NRG1: variants seen among roughly 807,000 people sequenced by gnomAD.
NRG1 encodes pro-neuregulin-1, membrane-bound isoform.
Under a neutral mutation model 63.8 loss-of-function variants are expected in NRG1, and 18 were observed. The ratio of observed to expected loss-of-function variants is 0.28; its 90% CI spans 0.19 to 0.42. The LOEUF is 0.42. NRG1 is among the 10% of genes least tolerant of loss of function. The pLI is 1.00. For missense variants in NRG1, 762 were observed against 814.7 expected (o/e 0.94, Z 0.79); for synonymous variants, 302 against 301.3 (o/e 1.00, Z -0.02).
chr8:31,879,179 C>T (rs1349750436), intron 1 of NRG1, among the ~76,000 whole-genome samples: 1 of 152,152 alleles, frequency 6.6e-6, no homozygotes. Flanking sequence ...TCAACACAGC[C>T]AATTTCCTAT....
chr8:31,920,130 A>G (rs761821625), intron 1 of NRG1, among the ~76,000 whole-genome samples: 19 of 152,084 alleles, frequency 1.2e-4, no homozygotes, highest in Non-Finnish European at 2.1e-4. Context: ...TATTTAAGGA[A>G]CATTGTTGAG....
chr8:32,112,196 T>C (rs924470564), intron 1 of NRG1, among the ~76,000 whole-genome samples: 1 of 152,208 alleles, frequency 6.6e-6, no homozygotes, highest in African/African-American at 2.4e-5. Context: ...TTTACAATAG[T>C]TGCATTAGGG....
At chr8:32,014,544 G>A (rs1255415380) in intron 1 of NRG1, among the ~76,000 whole-genome samples, 2 of 152,010 alleles carry the variant, frequency 1.3e-5, no homozygotes, top group Non-Finnish European at 2.9e-5. Context: ...TAGGTAGGGT[G>A]AGATAACAGA....
intron 1 of NRG1, among the ~76,000 whole-genome samples, chr8:32,176,593 A>C (rs1437105366): frequency 1.3e-5 from 2 of 152,252 alleles, no homozygotes; most frequent in Non-Finnish European, 1.5e-5. Context: ...CAAAGGGCTA[A>C]TATCCAGAAT....
chr8:32,034,862 G>C (rs1818793586), intron 1 of NRG1, among the ~76,000 whole-genome samples: 1 of 146,606 alleles, frequency 6.8e-6, no homozygotes, highest in African/African-American at 2.5e-5. Flanking sequence ...TCTAGCTAGT[G>C]GTCTATTTTT....
At chr8:32,598,919 A>G (rs1843829484) in intron 2 of NRG1, among the ~76,000 whole-genome samples, 1 of 152,094 alleles carries the variant, frequency 6.6e-6, no homozygotes, top group Non-Finnish European at 1.5e-5. Context: ...GAAGGAATAT[A>G]ATTATTGTTA....
intron 1 of NRG1, among the ~76,000 whole-genome samples, chr8:31,890,868 G>A (rs112729538): frequency 7.2e-5 from 11 of 152,116 alleles, no homozygotes; most frequent in African/African-American, 2.4e-4. Flanking sequence ...AAATAGACAC[G>A]TTAATATGCT....
intron 1 of NRG1, among the ~76,000 whole-genome samples, chr8:31,896,991 C>A (rs1831628076): frequency 6.6e-6 from 1 of 152,162 alleles, no homozygotes; most frequent in Admixed American, 6.5e-5. Flanking sequence ...AAATAATGAA[C>A]CTGGAAACCT....
At chr8:32,767,029 C>T (rs1831482499) in exon 12 of NRG1, 5 of 152,302 alleles carry the variant, frequency 3.3e-5, no homozygotes, top group Admixed American at 3.3e-4. Context: ...CTTTGTTTCC[C>T]GGGTCTAAAA....
intron 1 of NRG1, among the ~76,000 whole-genome samples, chr8:32,516,291 C>T (rs1029767665): frequency 7.2e-5 from 11 of 151,762 alleles, no homozygotes; most frequent in African/African-American, 1.9e-4. Context: ...CATTACCATG[C>T]TGTTTTTGTA....
chr8:32,121,885 A>G (rs1833500369), intron 1 of NRG1, among the ~76,000 whole-genome samples: 1 of 152,062 alleles, frequency 6.6e-6, no homozygotes, highest in Non-Finnish European at 1.5e-5. Flanking sequence ...GAGAAAAGGG[A>G]ACTTAGCAAA....
intron 1 of NRG1, among the ~76,000 whole-genome samples, chr8:31,897,681 G>A (rs992469290): frequency 3.3e-5 from 5 of 151,944 alleles, no homozygotes; most frequent in African/African-American, 1.2e-4. Context: ...TTCATTCTAG[G>A]TCTTTAGACT....
At chr8:31,946,590 T>C (rs942759659) in intron 1 of NRG1, among the ~76,000 whole-genome samples, 7 of 120,764 alleles carry the variant, frequency 5.8e-5, no homozygotes, top group Non-Finnish European at 1.2e-4. Context: ...CTTGGCACTG[T>C]GATAAGATGT....
At chr8:32,492,851 T>A (rs2129495051) in intron 1 of NRG1, among the ~76,000 whole-genome samples, 1 of 152,236 alleles carries the variant, frequency 6.6e-6, no homozygotes, top group African/African-American at 2.4e-5. Context: ...ATTTTGAGTG[T>A]GTGTCTGGTG....
chr8:32,722,520 A>C (rs940027556), intron 5 of NRG1, among the ~76,000 whole-genome samples: 11 of 152,196 alleles, frequency 7.2e-5, no homozygotes, highest in African/African-American at 2.4e-4. Flanking sequence ...AGCAGAGAAC[A>C]CTTGATTATT....
rs538286731 is a variant in NRG1, at chr8:32,596,649, A to G, written c.278+644A>G. ...TTAAAATAAGACAAATGCATATGAT[A>G]ATTTAGAGTACCAGTGCCTTACACA... is the stretch of plus-strand genomic sequence containing the variant. On this transcript the variant is annotated intron_variant, in intron 2 of 11. Transcript: ENST00000356819. 7.9e-5 allele frequency among the ~76,000 whole-genome samples: 12 copies of G among 152,022 alleles called. 1 individual carries two copies. In the South Asian group the frequency reaches 2.5e-3, roughly 32 times the overall value.
chr8:32,595,742 G>T (rs1843236418), intron 1 of NRG1, 86 bp from the exon 2 acceptor site: 1 of 1,257,232 alleles, frequency 8.0e-7, no homozygotes, highest in Admixed American at 2.3e-5. Flanking sequence ...ATGGTGCCTT[G>T]ATCAGGCTAA....
intron 5 of NRG1, among the ~76,000 whole-genome samples, chr8:32,623,898 G>A (rs1340187888): frequency 6.6e-6 from 1 of 152,130 alleles, no homozygotes; most frequent in Non-Finnish European, 1.5e-5. Flanking sequence ...CTTTCGTACT[G>A]GTTGAAATTA....
At chr8:31,723,110 T>C (rs1360731989) in intron 1 of NRG1, among the ~76,000 whole-genome samples, 1 of 152,178 alleles carries the variant, frequency 6.6e-6, no homozygotes, top group Admixed American at 6.5e-5. Context: ...AACTTAATCT[T>C]GATCTTATAA....
Sources: gnomAD v4.1 joint callset for allele counts (sites outside exome capture counted in the v4.1 genomes callset) on GRCh38, gnomAD v4.1.1 for gene constraint, MANE v1.5 for transcripts, NCBI Gene and HGNC (gene_info 2026-07-23, HGNC 2026-07-21) for gene names.